SMARCC1: variants seen among roughly 807,000 people sequenced by gnomAD.
SMARCC1 encodes the protein SWI/SNF complex subunit SMARCC1.
Under a neutral mutation model 147.4 loss-of-function variants are expected in SMARCC1, and 43 were observed. That is an observed-to-expected ratio of 0.29 (90% CI 0.23 to 0.38). The LOEUF (loss-of-function observed/expected upper bound fraction) is 0.38. SMARCC1 is among the 10% of genes least tolerant of loss of function. SMARCC1 has a pLI of 1.00. For missense variants in SMARCC1, 1,119 were observed against 1,381.1 expected (o/e 0.81, Z 3.01); for synonymous variants, 495 against 484.4 (o/e 1.02, Z -0.29).
At chr3:47,781,563 G>A (rs1325079614) in intron 1 of SMARCC1, 40 bp downstream of exon 1, 8 of 1,430,618 alleles carry the variant, frequency 5.6e-6, no homozygotes, top group Non-Finnish European at 7.4e-6. Context: ...TCCGGCCCCG[G>A]TCGCGTGGTC....
At position 47,586,066 on chromosome 3, in the gene SMARCC1, G is replaced by C. The variant is rs1015954818; in HGVS notation, c.*2143C>G. 6.6e-6 allele frequency: 1 copy of C among 152,392 alleles called. No homozygotes were observed. The highest frequency in any genetic ancestry group is 2.4e-5 in the African/African-American group (1 of 41,348). 9.4% of individuals were successfully genotyped at this position (152,392 alleles called of 1,614,324 possible). A position where few individuals can be genotyped will look rare whatever the true frequency, so the allele number is the denominator to read the frequency against. On this transcript the variant is annotated 3_prime_UTR_variant, in exon 28 of 28. Coordinates refer to ENST00000254480, the MANE Select transcript of SMARCC1 (RefSeq NM_003074.4). The stretch of plus-strand genomic sequence containing the variant: ...ATTCCCCCCCCTCACAAAATCAGGT[G>C]GCTGAATTACAGGAATAAAACCAGA...
chr3:47,637,372 A>G (rs993050962), intron 22 of SMARCC1, among the ~76,000 whole-genome samples: 5 of 152,208 alleles, frequency 3.3e-5, no homozygotes, highest in Non-Finnish European at 5.9e-5. Context: ...TATTCACTCA[A>G]ATAGTGACTG....
chr3:47,670,704 C>T lies in SMARCC1; in HGVS notation c.1853G>A (p.Ser618Asn), dbSNP rs2033483573. Residue 618 changes from serine (S) to asparagine (N), a missense_variant, in exon 19 of 28, where the codon AGT becomes AAT. By Grantham distance (46) the Ser-to-Asn change is conservative. This residue lies in a region of SMARCC1 where 178 missense variants were observed against 264.6 expected (regional missense o/e 0.67). Coordinates refer to ENST00000254480, the MANE Select transcript of SMARCC1 (RefSeq NM_003074.4). ...CTGTTCAGTCCATTCTCTTCCAGCACTAGCACCTTTACTCTAAGGAAACAA... is the reference window on the plus strand; with the variant it reads ...CTGTTCAGTCCATTCTCTTCCAGCATTAGCACCTTTACTCTAAGGAAACAA... ...KKTLAKSKGA[S>N]AGREWTEQET... 2.5e-6 allele frequency: 4 copies of T among 1,595,276 alleles called. No homozygotes were observed. The East Asian group carries it at 6.7e-5, about 27-fold the overall frequency.
intron 11 of SMARCC1, among the ~76,000 whole-genome samples, chr3:47,693,691 C>T (rs958124936): frequency 6.6e-6 from 1 of 152,152 alleles, no homozygotes; most frequent in Non-Finnish European, 1.5e-5. Flanking sequence ...CAGACAGGGA[C>T]TCAGTCTGTC....
At chr3:47,589,408 TG>T (rs1420423202) in intron 27 of SMARCC1, among the ~76,000 whole-genome samples, 1 of 152,114 alleles carries the variant, frequency 6.6e-6, no homozygotes, top group East Asian at 1.9e-4. Flanking sequence ...AGTGGTAAAT[TG>T]GTAAAGACCA....
intron 9 of SMARCC1, among the ~76,000 whole-genome samples, chr3:47,706,953 T>C (rs920170335): frequency 6.6e-6 from 1 of 152,184 alleles, no homozygotes; most frequent in Non-Finnish European, 1.5e-5. Context: ...TCTTAATCTC[T>C]AAAATAAACA....
At chr3:47,726,430 G>A (rs2034301278) in intron 6 of SMARCC1, among the ~76,000 whole-genome samples, 1 of 152,026 alleles carries the variant, frequency 6.6e-6, no homozygotes, top group African/African-American at 2.4e-5. Flanking sequence ...CATTATTATT[G>A]TTATTGCCAA....
chr3:47,723,852 AG>A (rs2034266087), intron 6 of SMARCC1, among the ~76,000 whole-genome samples: 2 of 152,126 alleles, frequency 1.3e-5, no homozygotes, highest in Admixed American at 1.3e-4. Flanking sequence ...AAACGAAAAA[AG>A]TACTTGAGTA....
intron 26 of SMARCC1, among the ~76,000 whole-genome samples, chr3:47,607,497 C>A (rs546648920): frequency 3.9e-5 from 6 of 152,088 alleles, no homozygotes; most frequent in Non-Finnish European, 8.8e-5. Flanking sequence ...GATAAGCAAA[C>A]TATAAAAATC....
At chr3:47,613,454 G>T (rs2032591364) in intron 25 of SMARCC1, among the ~76,000 whole-genome samples, 1 of 151,166 alleles carries the variant, frequency 6.6e-6, no homozygotes, top group African/African-American at 2.4e-5. Context: ...TCGCCTTCCG[G>T]GTTCAAGCAA....
chr3:47,614,158 A>C (rs938840694), intron 25 of SMARCC1, among the ~76,000 whole-genome samples: 1 of 152,226 alleles, frequency 6.6e-6, no homozygotes, highest in African/African-American at 2.4e-5. Context: ...TCCAAAACAG[A>C]CATATCCATC....
At chr3:47,780,168 GTTTTTTTTTTT>G (rs10662354) in intron 1 of SMARCC1, among the ~76,000 whole-genome samples, 2 of 61,896 alleles carry the variant, frequency 3.2e-5, no homozygotes, top group Non-Finnish European at 5.6e-5. Flanking sequence ...GTTTTTTTTT[GTTTTTTTTTTT>G]TTTTTTTTTT....
intron 25 of SMARCC1, among the ~76,000 whole-genome samples, chr3:47,620,355 C>T (rs1280926512): frequency 6.6e-6 from 1 of 151,646 alleles, no homozygotes; most frequent in South Asian, 2.1e-4. Context: ...CCCAGCTACT[C>T]GGGAGACTGA....
chr3:47,688,041 C>T (rs1263317036), intron 13 of SMARCC1, among the ~76,000 whole-genome samples: 1 of 152,094 alleles, frequency 6.6e-6, no homozygotes, highest in African/African-American at 2.4e-5. Flanking sequence ...AGGTGGATCA[C>T]CTAAGGTCGG....
At chr3:47,662,835 G>A (rs1198421117) in intron 19 of SMARCC1, among the ~76,000 whole-genome samples, 2 of 151,628 alleles carry the variant, frequency 1.3e-5, no homozygotes, top group African/African-American at 2.4e-5. Context: ...CACTTTGGGA[G>A]GCAGAGGTGG....
chr3:47,671,002 C>T (rs184140211), intron 18 of SMARCC1, among the ~76,000 whole-genome samples: 3 of 151,430 alleles, frequency 2.0e-5, no homozygotes, highest in African/African-American at 7.3e-5. Flanking sequence ...CTGGCCAACA[C>T]GGTGAAACCC....
At chr3:47,598,584 C>A (rs2032335896) in intron 26 of SMARCC1, among the ~76,000 whole-genome samples, 1 of 152,020 alleles carries the variant, frequency 6.6e-6, no homozygotes, top group Non-Finnish European at 1.5e-5. Flanking sequence ...AATCCCAGTA[C>A]TTTGGGAGGC....
chr3:47,609,719 C>T (rs185223925), intron 26 of SMARCC1, among the ~76,000 whole-genome samples: 8 of 152,278 alleles, frequency 5.3e-5, no homozygotes, highest in Non-Finnish European at 1.2e-4. Flanking sequence ...GTTGTTGAAA[C>T]CAGGTCATGG....
chr3:47,742,916 C>T (rs1179301983), intron 3 of SMARCC1, among the ~76,000 whole-genome samples: 4 of 152,174 alleles, frequency 2.6e-5, no homozygotes, highest in African/African-American at 9.7e-5. Context: ...AGTCTCTTCA[C>T]AAATATGCTA....
Sources: allele counts gnomAD v4.1 joint callset (sites outside exome capture counted in the v4.1 genomes callset), GRCh38; gene constraint gnomAD v4.1.1; regional missense constraint gnomAD v4.1.1; transcripts MANE v1.5; gene names NCBI Gene and HGNC (gene_info 2026-07-23, HGNC 2026-07-21).